The following GPR158 variants were observed in gnomAD, a reference collection of about 807,000 sequenced individuals.
GPR158 encodes G protein-coupled receptor 158.
GPR158 carries 30 observed loss-of-function variants against 78.2 expected under a neutral mutation model. The observed-to-expected ratio is 0.38, with a 90% CI of 0.29 to 0.52. The LOEUF is 0.52. GPR158 is among the 20% of genes least tolerant of loss of function. The pLI, the probability that GPR158 is intolerant of heterozygous loss-of-function variation, is 0.83. For synonymous variants in GPR158, 581 were observed against 591.1 expected (o/e 0.98, Z 0.25); for missense variants, 1,463 against 1,523.5 (o/e 0.96, Z 0.66).
chr10:25,202,407 C>T (rs939808883), intron 1 of GPR158, among the ~76,000 whole-genome samples: 1 of 152,058 alleles, frequency 6.6e-6, no homozygotes. Flanking sequence ...TACCCACTCC[C>T]GCCACCCCAC....
At chr10:25,415,897 G>C (rs905185417) in intron 4 of GPR158, among the ~76,000 whole-genome samples, 3 of 151,918 alleles carry the variant, frequency 2.0e-5, no homozygotes, top group Admixed American at 2.0e-4. Context: ...TTTTTGGAAA[G>C]ACAAAAATGT....
intron 2 of GPR158, among the ~76,000 whole-genome samples, chr10:25,356,360 A>G (rs1855551449): frequency 6.6e-6 from 1 of 151,964 alleles, no homozygotes; most frequent in Non-Finnish European, 1.5e-5. Flanking sequence ...TTGTTTCTAC[A>G]CTGCCATTTT....
At chr10:25,592,522 G>A (rs979605449) in intron 8 of GPR158, among the ~76,000 whole-genome samples, 3 of 151,862 alleles carry the variant, frequency 2.0e-5, no homozygotes, top group Non-Finnish European at 4.4e-5. Context: ...TAAAACTACT[G>A]CAAACCCAGT....
intron 2 of GPR158, among the ~76,000 whole-genome samples, chr10:25,364,724 G>A (rs1282982086): frequency 6.6e-6 from 1 of 151,834 alleles, no homozygotes; most frequent in East Asian, 1.9e-4. Flanking sequence ...TCTTATTAAA[G>A]TCTAGGAGAG....
chr10:25,336,226 T>C (rs1855204592), intron 2 of GPR158, among the ~76,000 whole-genome samples: 3 of 152,102 alleles, frequency 2.0e-5, no homozygotes, highest in Admixed American at 6.6e-5. Flanking sequence ...GATAAATCAA[T>C]TCTTTATTTG....
chr10:25,348,022 C>T (rs1371437384), intron 2 of GPR158, among the ~76,000 whole-genome samples: 1 of 151,954 alleles, frequency 6.6e-6, no homozygotes, highest in African/African-American at 2.4e-5. Flanking sequence ...TTGGTTCCTA[C>T]TGTAGCATGT....
rs1430368476 is a variant in GPR158, at chr10:25,241,417, T to TC, written c.1008+20260_1008+20261insC. Among the ~76,000 whole-genome samples the TC allele has an allele frequency of 7.8e-3, 1,103 of 141,254 alleles. 119 individuals carry two copies. Among genetic ancestry groups the TC allele is most frequent in the African/African-American group, 0.032 (1,046 of 32,744 alleles). 92.7% of individuals were successfully genotyped at this position (141,254 alleles called of 152,430 possible). A position where few individuals can be genotyped will look rare whatever the true frequency, so the allele number is the denominator to read the frequency against. On this transcript the variant is annotated intron_variant, in intron 2 of 10. Transcript: ENST00000376351. ...TTCTCTTCTCTTCTCTTCTCTTTTC[T>TC]TTTCTTTTCTTTTCTTTTCTTTCGA... is the stretch of plus-strand genomic sequence containing the variant.
chr10:25,241,157 CTTTCTTTCTTTCTTTCTTTCTTT>C (rs1853603657), intron 2 of GPR158, among the ~76,000 whole-genome samples: 4 of 122,490 alleles, frequency 3.3e-5, no homozygotes, highest in African/African-American at 1.5e-4. Flanking sequence ...TTCTTTCTTT[CTTTCTTTCTTTCTTTCTTTCTTT>C]CTTTCTTTCC....
chr10:25,585,125 T>A (rs1588924139), intron 7 of GPR158, among the ~76,000 whole-genome samples: 1 of 152,256 alleles, frequency 6.6e-6, no homozygotes, highest in Admixed American at 6.5e-5. Context: ...ACCTTTAGTT[T>A]CTGTTTGTAT....
chr10:25,435,139 G>A (rs891645560), intron 4 of GPR158, among the ~76,000 whole-genome samples: 2 of 152,152 alleles, frequency 1.3e-5, no homozygotes, highest in Non-Finnish European at 1.5e-5. Flanking sequence ...AGTGTGTTTT[G>A]AGGGTGCACT....
In GPR158 at chr10:25,598,699, G is replaced by A. The variant is rs1837448184; in HGVS notation, c.3073G>A (p.Val1025Ile). The A allele has an allele frequency of 1.2e-6, 2 of 1,613,768 alleles. No individual in the cohort carries two copies. The highest frequency in any genetic ancestry group is 8.5e-7 in the Non-Finnish European group (1 of 1,179,960). ...TPGPVPSESK[V>I]QKHVSIVASE... Reference sequence around the variant, plus strand: ...TGGTCCTGTGCCTTCAGAATCAAAAGTTCAAAAGCACGTATCTATTGTGGC... The same window carrying A: ...TGGTCCTGTGCCTTCAGAATCAAAAATTCAAAAGCACGTATCTATTGTGGC... The change falls in exon 11 of 11, where the codon GTT becomes ATT. Residue 1025 changes from valine (V) to isoleucine (I), a missense_variant. Val to Ile is a conservative substitution (Grantham distance 29, BLOSUM62 3). Coordinates refer to ENST00000376351, the MANE Select transcript of GPR158 (RefSeq NM_020752.3).
chr10:25,268,805 G>A (rs1854077312), intron 2 of GPR158, among the ~76,000 whole-genome samples: 1 of 152,146 alleles, frequency 6.6e-6, no homozygotes, highest in South Asian at 2.1e-4. Context: ...TAAGGTCAAC[G>A]AAATGTCATT....
chr10:25,201,749 T>TA lies in GPR158; in HGVS notation c.903-19301dup, dbSNP rs1554783333. On this transcript the variant is annotated intron_variant, in intron 1 of 10. Transcript: ENST00000376351. ...CTATTGAGATGATCCTGTTTTTTTT[T>TA]AATTCTGTTTATATGGTGAATCACA... 1.3e-4 allele frequency among the ~76,000 whole-genome samples: 20 copies of TA among 152,050 alleles called. 1 individual carries two copies. The highest frequency in any genetic ancestry group is 4.6e-4 in the African/African-American group (19 of 41,396).
intron 2 of GPR158, among the ~76,000 whole-genome samples, chr10:25,272,124 G>A (rs1352283866): frequency 6.6e-6 from 1 of 152,072 alleles, no homozygotes; most frequent in African/African-American, 2.4e-5. Context: ...GATCCTCAGA[G>A]GTTAAGGGAA....
Position 25,550,850 on chromosome 10 carries a change from T to C in GPR158, c.1405-126T>C, listed in dbSNP as rs181996126. 21 of 637,452 alleles carry C rather than the reference T, an allele frequency of 3.3e-5. No individual in the cohort carries two copies. In the African/African-American group the frequency reaches 3.7e-4, roughly 11 times the overall value. 39.5% of individuals were successfully genotyped at this position (637,452 alleles called of 1,614,324 possible). On this transcript the variant is annotated intron_variant, in intron 5 of 10. Coordinates refer to ENST00000376351, the MANE Select transcript of GPR158 (RefSeq NM_020752.3). ...ACAATAAATGGTCAAAATAGTATTT[T>C]AAAGAAGTATTCAGATGAGTGTATA...
At chr10:25,534,823 A>G (rs1005703368) in intron 5 of GPR158, among the ~76,000 whole-genome samples, 1 of 152,124 alleles carries the variant, frequency 6.6e-6, no homozygotes, top group Non-Finnish European at 1.5e-5. Flanking sequence ...TACATCTCCC[A>G]CCTCAACATG....
chr10:25,291,274 A>T lies in GPR158; in HGVS notation c.1008+70117A>T, dbSNP rs182226772. ...AGAAATATGTGAGGTAATATAAAAA[A>T]TATGTCATTAGCTATTAGACACGGG... On this transcript the variant is annotated intron_variant, in intron 2 of 10. Transcript: ENST00000376351. 1.3e-4 allele frequency among the ~76,000 whole-genome samples: 20 copies of T among 152,216 alleles called. 1 individual carries two copies. The East Asian group carries it at 3.9e-3, about 29-fold the overall frequency.
chr10:25,407,256 T>C (rs1253698109), intron 3 of GPR158, among the ~76,000 whole-genome samples: 1 of 152,208 alleles, frequency 6.6e-6, no homozygotes, highest in East Asian at 1.9e-4. Context: ...TCTGTTAAAG[T>C]TTTCTGCATG....
intron 2 of GPR158, among the ~76,000 whole-genome samples, chr10:25,282,519 G>A (rs557337499): frequency 4.6e-5 from 7 of 152,184 alleles, no homozygotes; most frequent in Non-Finnish European, 7.4e-5. Flanking sequence ...TATAGTAAAT[G>A]AGTGCTAAAC....
Sources: gnomAD v4.1 joint callset for allele counts (sites outside exome capture counted in the v4.1 genomes callset) on GRCh38, gnomAD v4.1.1 for gene constraint, MANE v1.5 for transcripts, NCBI Gene and HGNC (gene_info 2026-07-23, HGNC 2026-07-21) for gene names.